The following ZSWIM7 variants were observed in gnomAD, a reference collection of about 807,000 sequenced individuals.
ZSWIM7 encodes zinc finger SWIM domain-containing protein 7.
A neutral mutation model predicts 21.1 loss-of-function variants in ZSWIM7; 22 were observed. That is an observed-to-expected ratio of 1.04 (90% CI 0.74 to 1.49). The LOEUF (loss-of-function observed/expected upper bound fraction) is 1.49. Ranked by LOEUF, ZSWIM7 falls within the 40% of genes most tolerant of loss-of-function variation. The pLI is 0.00. For synonymous variants in ZSWIM7, 67 were observed against 66.5 expected, an observed-to-expected ratio of 1.01 and a Z score of -0.04; for missense variants, 193 against 168.0, an observed-to-expected ratio of 1.15 and a Z score of -0.82.
chr17:15,986,982 G>A (rs947892661), intron 3 of ZSWIM7: 4 of 204,408 alleles, frequency 2.0e-5, no homozygotes, highest in Non-Finnish European at 3.9e-5. Flanking sequence ...AAAAAAAGAA[G>A]TATATAAGGT....
chr17:15,984,190 A>G (rs1238477535), intron 3 of ZSWIM7, among the ~76,000 whole-genome samples: 1 of 152,188 alleles, frequency 6.6e-6, no homozygotes, highest in Non-Finnish European at 1.5e-5. Context: ...AGCAATAAAC[A>G]CCAAAAGAGG....
intron 1 of ZSWIM7, chr17:15,999,312 G>A (rs921834491): frequency 1.4e-6 from 1 of 702,826 alleles, no homozygotes; most frequent in Admixed American, 2.3e-5. Flanking sequence ...GTAAATATTT[G>A]CTGAATCGAT....
intron 3 of ZSWIM7, among the ~76,000 whole-genome samples, chr17:15,982,641 T>A (rs1970368367): frequency 6.6e-6 from 1 of 152,140 alleles, no homozygotes; most frequent in South Asian, 2.1e-4. Flanking sequence ...CAGCTTTTAT[T>A]AACATTTTTT....
At chr17:15,988,317 C>T (rs1970440914) in intron 2 of ZSWIM7, among the ~76,000 whole-genome samples, 1 of 151,942 alleles carries the variant, frequency 6.6e-6, no homozygotes, top group Non-Finnish European at 1.5e-5. Context: ...TTTACTTTAC[C>T]TTTGAATAAT....
chr17:15,982,102 A>G (rs1425755668), intron 3 of ZSWIM7, among the ~76,000 whole-genome samples: 1 of 152,132 alleles, frequency 6.6e-6, no homozygotes, highest in African/African-American at 2.4e-5. Flanking sequence ...TGGAAGGAGG[A>G]CACTGATACA....
chr17:15,995,970 A>C (rs1048543309), intron 1 of ZSWIM7, among the ~76,000 whole-genome samples: 1 of 152,238 alleles, frequency 6.6e-6, no homozygotes, highest in Non-Finnish European at 1.5e-5. Context: ...CAGGAGTAAC[A>C]CTAGAAGCTA....
chr17:15,993,742 AGTATAT>A lies in ZSWIM7; in HGVS notation c.98+9_98+14del. On this transcript the variant is annotated intron_variant, in intron 2 of 4. Transcript: ENST00000399277. ...TGGTTAAAAAAAAATCAAATACAAC[AGTATAT>A]GTACTTACGATAACAGATATTCATC... 2 of 1,458,290 alleles carry A rather than the reference AGTATAT, an allele frequency of 1.4e-6. No individual in the cohort carries two copies. Among genetic ancestry groups the A allele is most frequent in the Non-Finnish European group, 1.9e-6 (2 of 1,059,240 alleles). The allele number at this position is 1,458,290 out of a possible 1,614,324, so 90.3% of individuals were successfully genotyped here. A position where few individuals can be genotyped will look rare whatever the true frequency, so the allele number is the denominator to read the frequency against.
In ZSWIM7 at chr17:15,999,684, C is replaced by T. The variant is rs746772446; in HGVS notation, c.-90G>A. 40 of 1,555,698 alleles carry T rather than the reference C, an allele frequency of 2.6e-5. 1 individual carries two copies. The Admixed American group carries it at 6.3e-4, about 25-fold the overall frequency. The stretch of plus-strand genomic sequence containing the variant: ...CCTGTGGAGGATCCTGACCCCCCGC[C>T]GGGGCAGGGCGAGACGGAGTGACGT... On this transcript the variant is annotated 5_prime_UTR_variant, in exon 1 of 5. Coordinates refer to ENST00000399277, the MANE Select transcript of ZSWIM7 (RefSeq NM_001042697.2).
intron 1 of ZSWIM7, among the ~76,000 whole-genome samples, chr17:15,997,328 T>TGTC (rs1016962591): frequency 1.3e-5 from 2 of 152,158 alleles, no homozygotes; most frequent in Admixed American, 1.3e-4. Context: ...GCTCTAGAGA[T>TGTC]GTCTTCAGGA....
Position 15,987,278 on chromosome 17 carries a change from C to A in ZSWIM7, c.189G>T (p.Arg63Ser). Residue 63 changes from arginine to serine, a missense_variant, in exon 3 of 5, where the codon AGG becomes AGT. Arg to Ser is a moderately radical substitution (Grantham distance 110). Transcript: ENST00000399277. The stretch of plus-strand genomic sequence containing the variant: ...TCTAGACTTCTACCTGGTAAACACG[C>A]CTTCCACTGGGTGATGAGATTAAGG... ...SITLISSPSG[R>S]RVYQVLGSSS... The A allele has an allele frequency of 6.2e-7, 1 of 1,612,586 alleles. No homozygotes were observed. The highest frequency in any genetic ancestry group is 8.5e-7 in the Non-Finnish European group (1 of 1,179,378).
At chr17:15,996,112 C>A (rs1032777523) in intron 1 of ZSWIM7, among the ~76,000 whole-genome samples, 23 of 152,160 alleles carry the variant, frequency 1.5e-4, no homozygotes, top group Admixed American at 3.3e-4. Context: ...CGATGGTCAG[C>A]CTGACTAACA....
chr17:15,979,302 G>A (rs1224167151), intron 4 of ZSWIM7, among the ~76,000 whole-genome samples: 1 of 151,826 alleles, frequency 6.6e-6, no homozygotes, highest in African/African-American at 2.4e-5. Flanking sequence ...CACAGGGTTG[G>A]GGGTAAGGTC....
At chr17:15,985,943 A>C (rs112070181) in intron 3 of ZSWIM7, among the ~76,000 whole-genome samples, 5 of 152,260 alleles carry the variant, frequency 3.3e-5, no homozygotes, top group African/African-American at 1.2e-4. Flanking sequence ...CTGCAAGTTC[A>C]GTGACTTTGA....
chr17:15,997,364 TC>T (rs1224650786), intron 1 of ZSWIM7, among the ~76,000 whole-genome samples: 6 of 152,184 alleles, frequency 3.9e-5, no homozygotes, highest in African/African-American at 1.4e-4. Context: ...CATACTTCGT[TC>T]ATCTGAACAT....
chr17:15,996,950 A>G (rs1047623960), intron 1 of ZSWIM7, among the ~76,000 whole-genome samples: 2 of 152,078 alleles, frequency 1.3e-5, no homozygotes, highest in African/African-American at 4.8e-5. Flanking sequence ...CTTGAGCTCC[A>G]GACTTCGAGT....
Position 15,978,166 on chromosome 17 carries a change from G to A in ZSWIM7, c.307-3C>T, listed in dbSNP as rs1236348871. On this transcript the variant is annotated splice_polypyrimidine_tract_variant and splice_region_variant and intron_variant, in intron 4 of 4. Transcript: ENST00000399277. The stretch of plus-strand genomic sequence containing the variant: ...TAAACTGCCAAGAGATGCTTGCACT[G>A]GAATATAAAACACACACACCTATTA... 2 of 1,610,998 alleles carry A rather than the reference G, an allele frequency of 1.2e-6. No individual in the cohort carries two copies. Among genetic ancestry groups the A allele is most frequent in the South Asian group, 2.2e-5 (2 of 91,036 alleles).
At chr17:15,989,033 GAAAC>G (rs1173673569) in intron 2 of ZSWIM7, among the ~76,000 whole-genome samples, 8 of 151,934 alleles carry the variant, frequency 5.3e-5, no homozygotes, top group East Asian at 1.9e-4. Flanking sequence ...AAAAATAAAT[GAAAC>G]AAACAAACAG....
rs61747574 is a variant in ZSWIM7, at chr17:15,999,397, G to A, written c.76+122C>T. 2,499 of 1,238,570 alleles carry A rather than the reference G, an allele frequency of 2.0e-3. 42 individuals carry two copies. In the African/African-American group the frequency reaches 0.033, roughly 17 times the overall value. 76.7% of individuals were successfully genotyped at this position (1,238,570 alleles called of 1,614,324 possible). On this transcript the variant is annotated intron_variant, in intron 1 of 4. Coordinates refer to ENST00000399277, the MANE Select transcript of ZSWIM7 (RefSeq NM_001042697.2). ...TCTTTTTACGAACAAGAGGTTTAGA[G>A]AACCACATGGAAAAAAGGCAGGGCC... is the stretch of plus-strand genomic sequence containing the variant.
intron 1 of ZSWIM7, among the ~76,000 whole-genome samples, chr17:15,994,371 G>A (rs1458572510): frequency 6.6e-6 from 1 of 152,150 alleles, no homozygotes; most frequent in Non-Finnish European, 1.5e-5. Context: ...TAAGAAAACT[G>A]AATCCTAGGC....
Sources: gnomAD v4.1 joint callset for allele counts (sites outside exome capture counted in the v4.1 genomes callset) on GRCh38, gnomAD v4.1.1 for gene constraint, MANE v1.5 for transcripts, NCBI Gene and HGNC (gene_info 2026-07-23, HGNC 2026-07-21) for gene names.